Variants in DNAJC3 observed in about 807,000 individuals in gnomAD.
The protein encoded by DNAJC3 is DnaJ heat shock protein family (Hsp40) member C3.
Under a neutral mutation model 68.6 loss-of-function variants are expected in DNAJC3, and 38 were observed. The observed-to-expected ratio is 0.55, with a 90% CI of 0.43 to 0.73. The LOEUF (loss-of-function observed/expected upper bound fraction) is 0.73, where lower values mean the gene tolerates loss of function less well. DNAJC3 is among the 30% of genes least tolerant of loss of function. DNAJC3 has a pLI of 0.00. For synonymous variants in DNAJC3, 203 were observed against 204.0 expected (o/e 1.00, Z 0.04); for missense variants, 526 against 591.9 (o/e 0.89, Z 1.16).
intron 2 of DNAJC3, 37 bp from the exon 3 acceptor site, chr13:95,723,205 A>G (rs374994108): frequency 1.6e-5 from 25 of 1,536,356 alleles, no homozygotes; most frequent in Non-Finnish European, 2.2e-5. Flanking sequence ...TTATTTTTGA[A>G]TAAATGACTA....
intron 4 of DNAJC3, among the ~76,000 whole-genome samples, chr13:95,733,588 C>T (rs1463624676): frequency 2.6e-5 from 4 of 151,794 alleles, no homozygotes; most frequent in Non-Finnish European, 5.9e-5. Context: ...TTAGTAGAAA[C>T]GGGGTTTTGC....
chr13:95,785,830 A>C, intron 9 of DNAJC3, 109 bp from the exon 10 acceptor site: 2 of 1,036,674 alleles, frequency 1.9e-6, no homozygotes, highest in Non-Finnish European at 2.7e-6. Flanking sequence ...TAATGGCCAA[A>C]GAGTGAAGGG....
rs537018893 is a variant in DNAJC3 at position 95,783,590 on chromosome 13, A to G, written c.1076-2349A>G. ...TTTTTATGTCCCTGTGGGTTGGGCT[A>G]TAGTAACATTTAATGTAATGATGCA... On this transcript the variant is annotated intron_variant, in intron 9 of 11. Transcript: ENST00000602402. Among the ~76,000 whole-genome samples, 231 of 152,292 alleles carry G rather than the reference A, an allele frequency of 1.5e-3. 1 individual carries two copies. Among genetic ancestry groups the G allele is most frequent in the African/African-American group, 4.4e-3 (181 of 41,566 alleles).
At chr13:95,736,511 G>T (rs1188351860) in intron 4 of DNAJC3, among the ~76,000 whole-genome samples, 3 of 146,430 alleles carry the variant, frequency 2.0e-5, no homozygotes, top group Non-Finnish European at 3.0e-5. Flanking sequence ...GCAGTGGTTT[G>T]TAGTTCTCCT....
chr13:95,713,256 A>G (rs1444065302), intron 2 of DNAJC3, among the ~76,000 whole-genome samples: 1 of 152,212 alleles, frequency 6.6e-6, no homozygotes, highest in Non-Finnish European at 1.5e-5. Context: ...GGAAGAAATA[A>G]AACTGTCATT....
At chr13:95,788,527 G>T (rs535415436) in intron 11 of DNAJC3, among the ~76,000 whole-genome samples, 2 of 152,160 alleles carry the variant, frequency 1.3e-5, no homozygotes, top group Non-Finnish European at 2.9e-5. Context: ...ATATCAAGAC[G>T]TGTCATATTT....
intron 1 of DNAJC3, among the ~76,000 whole-genome samples, chr13:95,688,963 TGTGC>T (rs1044534925): frequency 7.0e-5 from 10 of 143,320 alleles, no homozygotes; most frequent in South Asian, 4.4e-4. Flanking sequence ...TGTGTGTGTG[TGTGC>T]GCGCTGTTGG....
intron 7 of DNAJC3, among the ~76,000 whole-genome samples, chr13:95,761,210 A>AG (rs1882810400): frequency 6.6e-6 from 1 of 152,228 alleles, no homozygotes; most frequent in African/African-American, 2.4e-5. Context: ...GGAGTACCAA[A>AG]GAGGAGTATT....
chr13:95,709,394 C>G, intron 2 of DNAJC3, 57 bp downstream of exon 2: 1 of 1,187,406 alleles, frequency 8.4e-7, no homozygotes, highest in Non-Finnish European at 1.2e-6. Flanking sequence ...CTAGTAATAG[C>G]TCTTTTTTTA....
At chr13:95,685,808 C>T (rs1566465289) in intron 1 of DNAJC3, among the ~76,000 whole-genome samples, 1 of 151,074 alleles carries the variant, frequency 6.6e-6, no homozygotes, top group African/African-American at 2.4e-5. Flanking sequence ...TTTTTTTAAG[C>T]TTTTTAGTAA....
intron 9 of DNAJC3, among the ~76,000 whole-genome samples, chr13:95,770,920 T>A (rs994636898): frequency 6.6e-6 from 1 of 152,260 alleles, no homozygotes; most frequent in Non-Finnish European, 1.5e-5. Context: ...ATTATGACAG[T>A]CTCACAGCAG....
At chr13:95,738,604 T>C (rs1157279073) in intron 4 of DNAJC3, among the ~76,000 whole-genome samples, 1 of 152,202 alleles carries the variant, frequency 6.6e-6, no homozygotes, top group African/African-American at 2.4e-5. Flanking sequence ...TTTTGATCTT[T>C]GTTGGTTTAA....
At position 95,687,163 on chromosome 13, in the gene DNAJC3, G is replaced by C. The variant is rs538508848; in HGVS notation, c.82+9826G>C. On this transcript the variant is annotated intron_variant, in intron 1 of 11. Transcript: ENST00000602402. ...GTAAATGGGATTGAATTCTTGATTT[G>C]GTTTTTGGCTTGAATATTGTTGGTG... Among the ~76,000 whole-genome samples the C allele has an allele frequency of 1.1e-4, 16 of 152,040 alleles. No individual in the cohort carries two copies. The South Asian group carries it at 3.3e-3, about 32-fold the overall frequency.
chr13:95,776,957 G>A (rs1594024313), intron 9 of DNAJC3, among the ~76,000 whole-genome samples: 2 of 152,090 alleles, frequency 1.3e-5, no homozygotes, highest in South Asian at 2.1e-4. Context: ...CTGCTCTGTC[G>A]CTGTTAGTCC....
intron 1 of DNAJC3, among the ~76,000 whole-genome samples, chr13:95,698,551 T>C (rs1485169925): frequency 6.6e-6 from 1 of 152,216 alleles, no homozygotes; most frequent in African/African-American, 2.4e-5. Context: ...ATGTGATGTG[T>C]TCCCTGTCAC....
intron 4 of DNAJC3, among the ~76,000 whole-genome samples, chr13:95,751,124 A>G (rs1323662489): frequency 2.6e-5 from 4 of 152,128 alleles, no homozygotes; most frequent in African/African-American, 9.7e-5. Context: ...AGTCCTAGCT[A>G]CTTGGGAGGT....
chr13:95,703,028 A>G (rs1023688635), intron 1 of DNAJC3, among the ~76,000 whole-genome samples: 7 of 152,208 alleles, frequency 4.6e-5, no homozygotes, highest in African/African-American at 1.7e-4. Flanking sequence ...AGTACAGTCA[A>G]TTCTTGTTAT....
At chr13:95,784,337 C>G (rs1224491026) in intron 9 of DNAJC3, among the ~76,000 whole-genome samples, 1 of 152,056 alleles carries the variant, frequency 6.6e-6, no homozygotes, top group Non-Finnish European at 1.5e-5. Context: ...GGCTTTCATT[C>G]CAGTGAAAAA....
intron 1 of DNAJC3, among the ~76,000 whole-genome samples, chr13:95,690,943 A>G (rs1184787972): frequency 9.5e-6 from 1 of 105,234 alleles, no homozygotes; most frequent in South Asian, 3.5e-4. Context: ...TCCCTCCCGG[A>G]CGGGGCGGCT....
Sources: gnomAD v4.1 joint callset for allele counts (sites outside exome capture counted in the v4.1 genomes callset) on GRCh38, gnomAD v4.1.1 for gene constraint, MANE v1.5 for transcripts, NCBI Gene and HGNC (gene_info 2026-07-23, HGNC 2026-07-21) for gene names.